Variants in TPCN2 observed in about 807,000 individuals in gnomAD.
TPCN2 encodes the protein two pore channel protein 2.
TPCN2 carries 92 observed loss-of-function variants against 111.4 expected under a neutral mutation model. The observed-to-expected ratio is 0.83, with a 90% CI of 0.70 to 0.98. The LOEUF (loss-of-function observed/expected upper bound fraction) is 0.98, where lower values mean the gene tolerates loss of function less well. TPCN2 is among the 50% of genes least tolerant of loss of function. TPCN2 has a pLI of 0.00. For missense variants in TPCN2, 995 were observed against 980.1 expected, an observed-to-expected ratio of 1.02 and a Z score of -0.20; for synonymous variants, 405 against 414.5, an observed-to-expected ratio of 0.98 and a Z score of 0.28.
chr11:69,072,284 T>C (rs1478391036), intron 11 of TPCN2, among the ~76,000 whole-genome samples: 1 of 152,144 alleles, frequency 6.6e-6, no homozygotes, highest in African/African-American at 2.4e-5. Context: ...TTGTCCCCCT[T>C]TGTGCTCTTC....
chr11:69,078,867 T>G, intron 15 of TPCN2, 25 bp from the exon 16 acceptor site: 2 of 1,614,058 alleles, frequency 1.2e-6, no homozygotes, highest in Admixed American at 1.7e-5. Context: ...GGCCCAATGC[T>G]GGGTGCCTCT....
chr11:69,078,654 C>T (rs938819764), intron 14 of TPCN2, 53 bp downstream of exon 14: 135 of 1,613,304 alleles, frequency 8.4e-5, no homozygotes, highest in Non-Finnish European at 1.1e-4. Context: ...TCCCGCCCAC[C>T]TTGCAGGGGA....
At chr11:69,066,287 C>T (rs958826826) in intron 7 of TPCN2, among the ~76,000 whole-genome samples, 7 of 152,210 alleles carry the variant, frequency 4.6e-5, no homozygotes, top group African/African-American at 9.6e-5. Context: ...CTCCAGGCCT[C>T]GGAAGGCCTT....
At chr11:69,079,749 A>C in intron 16 of TPCN2, 85 bp from the exon 17 acceptor site, 13 of 1,274,740 alleles carry the variant, frequency 1.0e-5, no homozygotes, top group Non-Finnish European at 1.5e-5. Context: ...AGAATGTGTT[A>C]GAGATGAGCT....
intron 13 of TPCN2, among the ~76,000 whole-genome samples, chr11:69,075,144 C>T (rs938265642): frequency 2.6e-5 from 4 of 152,274 alleles, no homozygotes; most frequent in Middle Eastern, 3.4e-3. Flanking sequence ...CCCAGGGCAC[C>T]GAGCACTGGG....
At chr11:69,066,112 T>G (rs1297984158) in intron 7 of TPCN2, among the ~76,000 whole-genome samples, 1 of 152,056 alleles carries the variant, frequency 6.6e-6, no homozygotes, top group African/African-American at 2.4e-5. Context: ...CTCAGCTGGC[T>G]CGAAGCCTGG....
Position 69,054,090 on chromosome 11 carries a change from C to G in TPCN2, c.167C>G (p.Ala56Gly), listed in dbSNP as rs144833208. 5 of 1,613,282 alleles carry G rather than the reference C, an allele frequency of 3.1e-6. No individual in the cohort carries two copies. The change falls in exon 2 of 25, where the codon GCT (alanine) becomes GGT (glycine). Residue 56 changes from alanine to glycine, a missense_variant. Ala to Gly is a moderately conservative substitution (Grantham distance 60). Coordinates refer to ENST00000294309, the MANE Select transcript of TPCN2 (RefSeq NM_139075.4). The part of the protein sequence containing the change: ...IDQAVVFIED[A>G]IQYRSINHRV... The stretch of plus-strand genomic sequence containing the variant: ...CAGGCTGTGGTCTTCATCGAAGATG[C>G]TATTCAGGTCGGTGGCACCTGCTCC...
intron 24 of TPCN2, 152 bp downstream of exon 24, chr11:69,087,358 A>G: frequency 1.5e-6 from 1 of 661,460 alleles, no homozygotes; most frequent in Non-Finnish European, 2.6e-6. Context: ...CTAGGAGAGC[A>G]GCTCAGAGCC....
chr11:69,067,674 C>A, intron 8 of TPCN2, 69 bp downstream of exon 8: 1 of 1,478,936 alleles, frequency 6.8e-7, no homozygotes, highest in Non-Finnish European at 9.4e-7. Flanking sequence ...GTTTGGGCTG[C>A]TGAGCCTTAG....
At position 69,079,196 on chromosome 11, in the gene TPCN2, C is replaced by T. The variant is rs1418930040; in HGVS notation, c.1539+176C>T. ...CTGGCCGAGTTGCTCAGTGGGCAGC[C>T]GGTGAGGTCTTTAGGAGGCTGGGTT... On this transcript the variant is annotated intron_variant, in intron 16 of 24. Transcript: ENST00000294309. The T allele has an allele frequency of 4.8e-5, 38 of 785,340 alleles. No homozygotes were observed. In the East Asian group the frequency reaches 9.9e-4, roughly 20 times the overall value. 48.6% of individuals were successfully genotyped at this position (785,340 alleles called of 1,614,324 possible).
intron 13 of TPCN2, among the ~76,000 whole-genome samples, chr11:69,077,810 A>G (rs1855856081): frequency 6.6e-6 from 1 of 152,144 alleles, no homozygotes; most frequent in Admixed American, 6.5e-5. Context: ...GGAGTACTTG[A>G]CACGTGGCTG....
chr11:69,085,609 A>G (rs1856238983), intron 20 of TPCN2, 62 bp from the exon 21 acceptor site: 2 of 1,093,166 alleles, frequency 1.8e-6, no homozygotes, highest in Non-Finnish European at 2.8e-6. Context: ...AAAGGGGTGT[A>G]AGGTATCAGG....
In TPCN2 at chr11:69,078,916, T is replaced by G. The variant is rs1300855144; in HGVS notation, c.1435T>G (p.Tyr479Asp). Residue 479 changes from tyrosine (Y) to aspartate (D), a missense_variant, in exon 16 of 25, where the codon TAC becomes GAC. By Grantham distance (160) the Tyr-to-Asp change is radical. Transcript: ENST00000294309. ...LGILNCVFIVYYLLEMLLKVF... is the reference protein window; with the variant it reads ...LGILNCVFIVDYLLEMLLKVF... ...GATTCTCAACTGCGTCTTCATTGTG[T>G]ACTACCTGTTGGAGATGCTGCTCAA... 1.2e-6 allele frequency: 2 copies of G among 1,614,158 alleles called. No homozygotes were observed. Among genetic ancestry groups the G allele is most frequent in the South Asian group, 2.2e-5 (2 of 91,086 alleles).
At chr11:69,064,977 C>CT (rs1855202292) in intron 7 of TPCN2, among the ~76,000 whole-genome samples, 2 of 142,324 alleles carry the variant, frequency 1.4e-5, no homozygotes, top group South Asian at 4.7e-4. Flanking sequence ...TGCATGGTGT[C>CT]TGTATGTCTG....
At chr11:69,071,178 T>A (rs1855520425) in intron 9 of TPCN2, among the ~76,000 whole-genome samples, 178 bp from the exon 10 acceptor site, 1 of 150,102 alleles carries the variant, frequency 6.7e-6, no homozygotes, top group Non-Finnish European at 1.5e-5. Context: ...CCCCACACTT[T>A]CTGTTCTGTC....
rs1001883056 is a variant in TPCN2, at chr11:69,063,950, C to T, written c.709C>T (p.Leu237=). 1.2e-6 allele frequency: 2 copies of T among 1,614,000 alleles called. No homozygotes were observed. Among genetic ancestry groups the T allele is most frequent in the Non-Finnish European group, 1.7e-6 (2 of 1,180,006 alleles). Reference sequence around the variant, plus strand: ...CCTCTTCACCATGTTCGGAATGCTGCTGTTCGCTGGTGGGAAGGTAGGGCA... The same window carrying T: ...CCTCTTCACCATGTTCGGAATGCTGTTGTTCGCTGGTGGGAAGGTAGGGCA... ...LCLFTMFGML[L]FAGGKQDDGQ... The change falls in exon 7 of 25, where the codon CTG becomes TTG. Residue 237 remains leucine, a synonymous_variant. Coordinates refer to ENST00000294309, the MANE Select transcript of TPCN2 (RefSeq NM_139075.4).
At chr11:69,084,098 G>A in intron 19 of TPCN2, 82 bp downstream of exon 19, 1 of 1,375,136 alleles carries the variant, frequency 7.3e-7, no homozygotes, top group Non-Finnish European at 1.0e-6. Flanking sequence ...TGCCGGGCCG[G>A]CTCACTGCTC....
chr11:69,078,984 C>G lies in TPCN2; in HGVS notation c.1503C>G (p.Ser501Arg). Residue 501 changes from serine (S) to arginine (R), a missense_variant, in exon 16 of 25, where the codon AGC becomes AGG. Ser to Arg is a moderately radical substitution (Grantham distance 110). Coordinates refer to ENST00000294309, the MANE Select transcript of TPCN2 (RefSeq NM_139075.4). The part of the protein sequence containing the change: ...LGLRGYLSYP[S>R]NVFDGLLTVV... ...TGCGAGGGTACCTGTCCTACCCCAGCAACGTGTTTGACGGGCTCCTCACCG... is the reference window on the plus strand; with the variant it reads ...TGCGAGGGTACCTGTCCTACCCCAGGAACGTGTTTGACGGGCTCCTCACCG... 2 of 1,613,742 alleles carry G rather than the reference C, an allele frequency of 1.2e-6. No homozygotes were observed. Among genetic ancestry groups the G allele is most frequent in the Non-Finnish European group, 1.7e-6 (2 of 1,179,846 alleles).
chr11:69,054,666 C>A lies in TPCN2; in HGVS notation c.175-55C>A, dbSNP rs1405275147. On this transcript the variant is annotated intron_variant, in intron 2 of 24. Coordinates refer to ENST00000294309, the MANE Select transcript of TPCN2 (RefSeq NM_139075.4). ...CTCGTGTGTGGTGTGGGGCTCGGGT[C>A]ACGGCCCACCCTGCATGCACCCATG... 3 of 1,546,194 alleles carry A rather than the reference C, an allele frequency of 1.9e-6. No homozygotes were observed. In the African/African-American group the frequency reaches 4.1e-5, roughly 21 times the overall value.
Sources: allele counts gnomAD v4.1 joint callset (sites outside exome capture counted in the v4.1 genomes callset), GRCh38; gene constraint gnomAD v4.1.1; transcripts MANE v1.5; gene names NCBI Gene and HGNC (gene_info 2026-07-23, HGNC 2026-07-21).